Variants in TRPS1 observed in about 807,000 individuals in gnomAD.
TRPS1 encodes transcriptional repressor GATA binding 1.
In TRPS1, 6 loss-of-function variants were observed where a neutral mutation model predicts 101.2. The observed-to-expected ratio is 0.06, with a 90% CI of 0.03 to 0.12. TRPS1 has a LOEUF of 0.12. TRPS1 is among the 10% of genes least tolerant of loss of function. The probability of loss-of-function intolerance (pLI) is 1.00; values close to 1 mark genes in which losing one functional copy is unlikely to be tolerated. For synonymous variants in TRPS1, 578 were observed against 589.8 expected (o/e 0.98, Z 0.29); for missense variants, 1,363 against 1,567.0 (o/e 0.87, Z 2.20).
Position 115,660,248 on chromosome 8 carries a change from CAT to C in TRPS1, c.-122+8295_-122+8296del, listed in dbSNP as rs772176441. On this transcript the variant is annotated intron_variant, in intron 1 of 6. Transcript: ENST00000395715. ...TATTGTAGAATCTAATCAGGAAGCA[CAT>C]GTTATATTATTAATGTTTATTGATT... Among the ~76,000 whole-genome samples, 410 of 152,054 alleles carry C rather than the reference CAT, an allele frequency of 2.7e-3. 1 individual carries two copies. Among genetic ancestry groups the C allele is most frequent in the Non-Finnish European group, 4.0e-3 (271 of 67,858 alleles).
chr8:115,642,703 A>T (rs1983543), intron 1 of TRPS1, among the ~76,000 whole-genome samples: 22 of 151,852 alleles, frequency 1.4e-4, no homozygotes, highest in African/African-American at 5.3e-4. Flanking sequence ...AATATGAATG[A>T]CTGTGTCAGT....
At chr8:115,475,539 T>C (rs1372748480) in intron 5 of TRPS1, among the ~76,000 whole-genome samples, 1 of 152,048 alleles carries the variant, frequency 6.6e-6, no homozygotes. Flanking sequence ...GGTAATATGC[T>C]GAATACAATT....
At chr8:115,473,311 C>A (rs1814519529) in intron 5 of TRPS1, among the ~76,000 whole-genome samples, 1 of 152,096 alleles carries the variant, frequency 6.6e-6, no homozygotes, top group African/African-American at 2.4e-5. Flanking sequence ...GGAGAAGTGC[C>A]AAGCAAAGAG....
chr8:115,497,140 A>G (rs1815167510), intron 5 of TRPS1, among the ~76,000 whole-genome samples: 1 of 152,192 alleles, frequency 6.6e-6, no homozygotes, highest in African/African-American at 2.4e-5. Context: ...GTGCCTTAGG[A>G]CAGCGGTCCC....
At position 115,619,733 on chromosome 8, in the gene TRPS1, T is replaced by A; in HGVS notation, c.365A>T (p.Asn122Ile). 6.2e-7 allele frequency: 1 copy of A among 1,614,162 alleles called. No homozygotes were observed. Among genetic ancestry groups the A allele is most frequent in the Non-Finnish European group, 8.5e-7 (1 of 1,180,020 alleles). Residue 122 changes from asparagine to isoleucine, a missense_variant, in exon 3 of 7, where the codon AAT becomes ATT. Asn to Ile is a moderately radical substitution (Grantham distance 149). This residue lies in a region of TRPS1 where 1,020 missense variants were observed against 1,073.0 expected (regional missense o/e 0.95). Transcript: ENST00000395715. ...AGCTGGAGATGAGAAAGCCAACATATTTCTGTCTGTCACCTCATCATGCGG... is the reference window on the plus strand; with the variant it reads ...AGCTGGAGATGAGAAAGCCAACATAATTCTGTCTGTCACCTCATCATGCGG... ...SFPHDEVTDR[N>I]MLAFSSPAAG...
intron 5 of TRPS1, among the ~76,000 whole-genome samples, chr8:115,585,084 A>G (rs1239043792): frequency 6.6e-6 from 1 of 152,168 alleles, no homozygotes; most frequent in Non-Finnish European, 1.5e-5. Context: ...ATAATAAATC[A>G]TAGGGTTGGA....
At chr8:115,455,725 T>C (rs1813999417) in intron 5 of TRPS1, among the ~76,000 whole-genome samples, 1 of 151,976 alleles carries the variant, frequency 6.6e-6, no homozygotes, top group Non-Finnish European at 1.5e-5. Flanking sequence ...AGACAGAATT[T>C]TTTTTTTCTA....
chr8:115,641,655 G>A (rs957825497), intron 1 of TRPS1, among the ~76,000 whole-genome samples: 1 of 152,134 alleles, frequency 6.6e-6, no homozygotes, highest in African/African-American at 2.4e-5. Context: ...CAGGGCAGGT[G>A]GATCACCTGA....
chr8:115,448,715 A>G (rs1014125454), intron 5 of TRPS1, among the ~76,000 whole-genome samples: 1 of 152,176 alleles, frequency 6.6e-6, no homozygotes, highest in Non-Finnish European at 1.5e-5. Context: ...AAAATAACTT[A>G]AAAAGTATAA....
chr8:115,434,208 T>C (rs955259105), intron 5 of TRPS1, among the ~76,000 whole-genome samples: 1 of 152,176 alleles, frequency 6.6e-6, no homozygotes, highest in Non-Finnish European at 1.5e-5. Context: ...ATATTTTACG[T>C]AGAATGTAAC....
chr8:115,557,136 T>C (rs1005783042), intron 5 of TRPS1, among the ~76,000 whole-genome samples: 1 of 152,044 alleles, frequency 6.6e-6, no homozygotes, highest in East Asian at 1.9e-4. Context: ...CCACCTGATC[T>C]CGTGAGACTT....
intron 5 of TRPS1, among the ~76,000 whole-genome samples, chr8:115,537,618 T>TA (rs903029738): frequency 2.7e-5 from 4 of 149,098 alleles, no homozygotes; most frequent in Admixed American, 6.6e-5. Flanking sequence ...TAGTCTCCTA[T>TA]AAAAAAAAGA....
intron 3 of TRPS1, among the ~76,000 whole-genome samples, chr8:115,614,996 G>A (rs925608226): frequency 6.6e-6 from 1 of 152,028 alleles, no homozygotes; most frequent in African/African-American, 2.4e-5. Context: ...TCTAAAATCT[G>A]TTCTTCCTGC....
intron 5 of TRPS1, among the ~76,000 whole-genome samples, chr8:115,501,600 A>G (rs1462590217): frequency 6.6e-6 from 1 of 152,234 alleles, no homozygotes; most frequent in Non-Finnish European, 1.5e-5. Context: ...GTGCTCACGA[A>G]AAATAAAATC....
At chr8:115,535,705 C>T (rs944142114) in intron 5 of TRPS1, among the ~76,000 whole-genome samples, 1 of 149,682 alleles carries the variant, frequency 6.7e-6, no homozygotes, top group Non-Finnish European at 1.5e-5. Flanking sequence ...ACTAAAAATA[C>T]AAAAAAAATT....
At chr8:115,540,920 C>T (rs1045756119) in intron 5 of TRPS1, among the ~76,000 whole-genome samples, 12 of 152,042 alleles carry the variant, frequency 7.9e-5, no homozygotes, top group African/African-American at 2.7e-4. Flanking sequence ...ATTATCTCAC[C>T]CACACTTAAT....
intron 4 of TRPS1, among the ~76,000 whole-genome samples, chr8:115,595,034 A>G (rs1817756783): frequency 6.6e-6 from 1 of 151,964 alleles, no homozygotes; most frequent in South Asian, 2.1e-4. Context: ...TTATTCTTCA[A>G]TGACTAAATG....
intron 5 of TRPS1, among the ~76,000 whole-genome samples, chr8:115,519,551 T>C (rs1355926625): frequency 6.6e-6 from 1 of 151,590 alleles, no homozygotes; most frequent in Non-Finnish European, 1.5e-5. Flanking sequence ...TTAAATTATA[T>C]ATATTTTGTT....
At chr8:115,580,245 A>AAAAATAT (rs1554591592) in intron 5 of TRPS1, among the ~76,000 whole-genome samples, 46 of 139,872 alleles carry the variant, frequency 3.3e-4, no homozygotes, top group African/African-American at 1.2e-3. Flanking sequence ...AAAAAAAAAA[A>AAAAATAT]ATATATATAT....
Sources: gnomAD v4.1 joint callset for allele counts (sites outside exome capture counted in the v4.1 genomes callset) on GRCh38, gnomAD v4.1.1 for gene constraint, gnomAD v4.1.1 regional missense constraint, MANE v1.5 for transcripts, NCBI Gene and HGNC (gene_info 2026-07-23, HGNC 2026-07-21) for gene names.